Variants in ERCC3 observed in about 807,000 individuals in gnomAD.
The protein encoded by ERCC3 is ERCC excision repair 3, TFIIH core complex helicase subunit, also known as general transcription and DNA repair factor IIH helicase/translocase subunit XPB.
ERCC3 carries 66 observed loss-of-function variants against 94.2 expected under a neutral mutation model. The ratio of observed to expected loss-of-function variants is 0.70; its 90% CI spans 0.57 to 0.86. The LOEUF is 0.86. Ranked by LOEUF, ERCC3 falls within the 40% of genes least tolerant of loss-of-function variation. ERCC3 has a pLI of 0.00. For missense variants in ERCC3, 829 were observed against 987.1 expected (o/e 0.84, Z 2.15); for synonymous variants, 349 against 369.1 (o/e 0.95, Z 0.63).
rs753534899 is a variant in ERCC3 at position 127,279,281 on chromosome 2, A to C, written c.1622T>G (p.Phe541Cys). The change falls in exon 10 of 15, where the codon TTT (phenylalanine) becomes TGT (cysteine). Residue 541 changes from phenylalanine to cysteine, a missense_variant. Coordinates refer to ENST00000285398, the MANE Select transcript of ERCC3 (RefSeq NM_000122.2). This position sits in a 1 kb window ranked among gnomAD's most constrained non-coding sequence, Gnocchi z 4.7. ...CTTGATCAGAAACTGGCAAGCTCTA[A>C]ATTTGTTGGGGTTCATGGTGTACAG... is the stretch of plus-strand genomic sequence containing the variant. ...ILLYTMNPNK[F>C]RACQFLIKFH... 75 of 1,613,710 alleles carry C rather than the reference A, an allele frequency of 4.6e-5. No individual in the cohort carries two copies. The highest frequency in any genetic ancestry group is 6.1e-5 in the Non-Finnish European group (72 of 1,179,782).
At chr2:127,292,062 C>T in intron 3 of ERCC3, 1 of 187,540 alleles carries the variant, frequency 5.3e-6, no homozygotes, top group Non-Finnish European at 1.1e-5. Context: ...GTCTATGGAC[C>T]ACCTTCCCAT....
chr2:127,257,725 T>TA lies in ERCC3; in HGVS notation c.2219_2220insT (p.Ser741IlefsTer41). The stretch of plus-strand genomic sequence containing the variant: ...AACTCATGGTGCCAAAGCGCCGAGA[T>TA]GCCTGCCGGGAAGGGGGAACCAGCC... On this transcript the variant is annotated frameshift_variant and splice_region_variant, in exon 15 of 15. Coordinates refer to ENST00000285398, the MANE Select transcript of ERCC3 (RefSeq NM_000122.2). LOFTEE classifies it high-confidence loss of function. This position sits in a 1 kb window ranked among gnomAD's most constrained non-coding sequence, Gnocchi z 5.4. 1 of 1,614,194 alleles carries TA rather than the reference T, an allele frequency of 6.2e-7. No individual in the cohort carries two copies. Among genetic ancestry groups the TA allele is most frequent in the Non-Finnish European group, 8.5e-7 (1 of 1,180,024 alleles).
At position 127,279,375 on chromosome 2, in the gene ERCC3, C is replaced by A. The variant is rs1451873165; in HGVS notation, c.1528G>T (p.Val510Phe). 1 of 1,610,436 alleles carries A rather than the reference C, an allele frequency of 6.2e-7. No individual in the cohort carries two copies. The highest frequency in any genetic ancestry group is 1.7e-5 in the Admixed American group (1 of 60,004). Reference sequence around the variant, plus strand: ...AATTCAGGAGACATAGGGCACCAGACCTGTAATACAGTAAGAACCAGGGGT... The same window carrying A: ...AATTCAGGAGACATAGGGCACCAGAACTGTAATACAGTAAGAACCAGGGGT... The part of the protein sequence containing the change: ...GYIAKVQCAE[V>F]WCPMSPEFYR... Residue 510 changes from valine (V) to phenylalanine (F), a missense_variant and splice_region_variant, in exon 10 of 15, where the codon GTC (valine) becomes TTC (phenylalanine). Physicochemically the swap from Val to Phe is conservative, Grantham distance 50. Coordinates refer to ENST00000285398, the MANE Select transcript of ERCC3 (RefSeq NM_000122.2). This position sits in a 1 kb window ranked among gnomAD's most constrained non-coding sequence, Gnocchi z 4.7.
At chr2:127,269,054 C>A (rs1684467506) in intron 12 of ERCC3, among the ~76,000 whole-genome samples, 1 of 152,184 alleles carries the variant, frequency 6.6e-6, no homozygotes, top group South Asian at 2.1e-4. Context: ...AGCAAGAATT[C>A]ACATCATGGA....
rs1220554914 is a variant in ERCC3 at position 127,280,570 on chromosome 2, C to A, written c.1404G>T (p.Ala468=). The A allele has an allele frequency of 2.5e-6, 4 of 1,614,082 alleles. No homozygotes were observed. The highest frequency in any genetic ancestry group is 1.1e-5 in the South Asian group (1 of 91,086). Residue 468 remains alanine, a synonymous_variant, in exon 9 of 15, where the codon GCG becomes GCT. Transcript: ENST00000285398. The surrounding 1 kb of genome is among the most constrained non-coding windows in gnomAD (Gnocchi z 6.3). ...VQAHCKLGLT[A]TLVREDDKIV... is the part of the protein sequence containing the mutation. ...TTTTGTCATCTTCGCGGACGAGGGT[C>A]GCAGTCAAACCCAGCTTACAGTGGG...
In ERCC3 at chr2:127,280,407, G is replaced by A. The variant is rs896231655; in HGVS notation, c.1527+40C>T. On this transcript the variant is annotated intron_variant, in intron 9 of 14. Coordinates refer to ENST00000285398, the MANE Select transcript of ERCC3 (RefSeq NM_000122.2). The surrounding 1 kb of genome is among the most constrained non-coding windows in gnomAD (Gnocchi z 6.3). ...CTGATCACTCCCCTGCCCATAGGAGGAGGCCCTTTCCCAGACGCCCCCAGC... is the reference window on the plus strand; with the variant it reads ...CTGATCACTCCCCTGCCCATAGGAGAAGGCCCTTTCCCAGACGCCCCCAGC... The A allele has an allele frequency of 6.4e-7, 1 of 1,570,782 alleles. No individual in the cohort carries two copies. The highest frequency in any genetic ancestry group is 8.7e-7 in the Non-Finnish European group (1 of 1,150,522).
rs776511339 is a variant in ERCC3, at chr2:127,288,632, C to T, written c.1027+28G>A. The T allele has an allele frequency of 8.1e-6, 13 of 1,597,170 alleles. No homozygotes were observed. The Admixed American group carries it at 8.3e-5, about 10-fold the overall frequency. On this transcript the variant is annotated intron_variant, in intron 7 of 14. Coordinates refer to ENST00000285398, the MANE Select transcript of ERCC3 (RefSeq NM_000122.2). ...GGCAGATCCAGACACAACAGCCTGA[C>T]CACCTTCTTAACTCTGGTACCACTT...
intron 7 of ERCC3, 101 bp from the exon 8 acceptor site, chr2:127,287,118 TG>T (rs1194034443): frequency 3.4e-6 from 3 of 894,840 alleles, no homozygotes; most frequent in Non-Finnish European, 3.6e-6. Context: ...GAAAATGTCT[TG>T]TAACAGTCCA....
Position 127,289,465 on chromosome 2 carries a change from T to C in ERCC3, c.694A>G (p.Thr232Ala), listed in dbSNP as rs201383161. 2.0e-4 allele frequency: 319 copies of C among 1,612,718 alleles called. No homozygotes were observed. The highest frequency in any genetic ancestry group is 2.6e-4 in the Non-Finnish European group (307 of 1,180,014). The change falls in exon 6 of 15, where the codon ACT becomes GCT. Residue 232 changes from threonine to alanine, a missense_variant. Transcript: ENST00000285398. ...CCCTGTGGATCTGTCACTCGGGAAG[T>C]GGAGGGCCCACCACTGCTTTCAGCA... ...KTAESSGGPS[T>A]SRVTDPQGKS...
rs1450491590 is a variant in ERCC3 at position 127,266,717 on chromosome 2, T to TA, written c.1945+4618_1945+4619insT. Among the ~76,000 whole-genome samples, 1,107 of 129,172 alleles carry TA rather than the reference T, an allele frequency of 8.6e-3. 6 individuals are homozygous for TA. Among genetic ancestry groups the TA allele is most frequent in the Admixed American group, 0.013 (171 of 13,032 alleles). 84.7% of individuals were successfully genotyped at this position (129,172 alleles called of 152,430 possible). A position where few individuals can be genotyped will look rare whatever the true frequency, so the allele number is the denominator to read the frequency against. On this transcript the variant is annotated intron_variant, in intron 12 of 14. Transcript: ENST00000285398. ...CAAACACATGATCAATTATTTTTTT[T>TA]TTTTTTTTTTTTTTTTGTGACAGAG...
At chr2:127,294,018 G>A in intron 1 of ERCC3, 36 bp downstream of exon 1, 4 of 1,601,960 alleles carry the variant, frequency 2.5e-6, no homozygotes, top group Non-Finnish European at 3.4e-6. Context: ...GCCGGCAAGG[G>A]CAGTCGTGGC....
At position 127,282,615 on chromosome 2, in the gene ERCC3, G is replaced by A. The variant is rs116685316; in HGVS notation, c.1343-1984C>T. Among the ~76,000 whole-genome samples, 358 of 152,282 alleles carry A rather than the reference G, an allele frequency of 2.4e-3. 1 individual carries two copies. The highest frequency in any genetic ancestry group is 7.7e-3 in the African/African-American group (320 of 41,568). The stretch of plus-strand genomic sequence containing the variant: ...CTCCACCTAACCCAACACAGCAGAC[G>A]TTAAGACAGTCAGGAGACTTACTGT... On this transcript the variant is annotated intron_variant, in intron 8 of 14. Transcript: ENST00000285398.
chr2:127,268,548 C>T (rs1488285004), intron 12 of ERCC3, among the ~76,000 whole-genome samples: 1 of 152,160 alleles, frequency 6.6e-6, no homozygotes, highest in Non-Finnish European at 1.5e-5. Context: ...CAGGTGTGAG[C>T]CGCCGTGCCC....
rs1684548403 is a variant in ERCC3, at chr2:127,271,474, G to A, written c.1828-21C>T. 1 of 1,535,964 alleles carries A rather than the reference G, an allele frequency of 6.5e-7. No homozygotes were observed. The highest frequency in any genetic ancestry group is 1.7e-5 in the Admixed American group (1 of 59,312). On this transcript the variant is annotated intron_variant, in intron 11 of 14. Transcript: ENST00000285398. The surrounding 1 kb of genome is among the most constrained non-coding windows in gnomAD (Gnocchi z 5.0). The stretch of plus-strand genomic sequence containing the variant: ...CCTACCTACAGAAACAAGTTGGAAG[G>A]TTTTTATATATGAGGAAAAAAAAAA...
intron 2 of ERCC3, among the ~76,000 whole-genome samples, chr2:127,293,276 G>T (rs1355921144): frequency 6.6e-6 from 1 of 152,250 alleles, no homozygotes; most frequent in African/African-American, 2.4e-5. Context: ...TAGGGCTGGG[G>T]AAGGAGTGAG....
chr2:127,292,562 G>GT, intron 3 of ERCC3, 48 bp downstream of exon 3: 1 of 1,216,752 alleles, frequency 8.2e-7, no homozygotes, highest in Non-Finnish European at 1.2e-6. Context: ...TATGCCTATT[G>GT]TTACATTAGC....
intron 12 of ERCC3, 106 bp from the exon 13 acceptor site, chr2:127,261,452 C>A: frequency 1.2e-6 from 1 of 810,318 alleles, no homozygotes; most frequent in South Asian, 1.3e-5. Flanking sequence ...GTGGAAAAGC[C>A]CTGCACTCGG....
chr2:127,278,569 T>C (rs560327995), intron 10 of ERCC3, among the ~76,000 whole-genome samples: 3 of 152,166 alleles, frequency 2.0e-5, no homozygotes, highest in Non-Finnish European at 4.4e-5. Context: ...CCTGTCTCCA[T>C]AGAGGGCCTG....
Position 127,292,784 on chromosome 2 carries a change from G to A in ERCC3, c.297C>T (p.Phe99=). ...FSPVYKYAQD[F]LVAIAEPVCR... Reference sequence around the variant, plus strand: ...ACACTGGCTCTGCAATAGCCACCAAGAAGTCTTGGGCATATTTGTAAACTG... The same window carrying A: ...ACACTGGCTCTGCAATAGCCACCAAAAAGTCTTGGGCATATTTGTAAACTG... Residue 99 remains phenylalanine (F), a synonymous_variant, in exon 3 of 15, where the codon TTC becomes TTT. Transcript: ENST00000285398. 1 of 1,613,938 alleles carries A rather than the reference G, an allele frequency of 6.2e-7. No individual in the cohort carries two copies. The highest frequency in any genetic ancestry group is 8.5e-7 in the Non-Finnish European group (1 of 1,180,030).
Sources: allele counts gnomAD v4.1 joint callset (sites outside exome capture counted in the v4.1 genomes callset), GRCh38; gene constraint gnomAD v4.1.1; non-coding constraint Gnocchi (gnomAD v3.1); transcripts MANE v1.5; gene names NCBI Gene and HGNC (gene_info 2026-07-23, HGNC 2026-07-21).